The following COL5A1 variants were observed in gnomAD, a reference collection of about 807,000 sequenced individuals.
COL5A1 encodes collagen type V alpha 1 chain, also known as collagen alpha-1(V) chain.
A neutral mutation model predicts 263.7 loss-of-function variants in COL5A1; 16 were observed. The ratio of observed to expected loss-of-function variants is 0.06; its 90% CI spans 0.04 to 0.09. COL5A1 has a LOEUF of 0.09. Among genes scored for constraint, COL5A1 ranks in the 10% least tolerant of loss-of-function variants. The probability of loss-of-function intolerance (pLI) is 1.00; values close to 1 mark genes in which losing one functional copy is unlikely to be tolerated. For synonymous variants in COL5A1, 1,012 were observed against 1,004.5 expected (o/e 1.01, Z -0.14); for missense variants, 2,036 against 2,540.5 (o/e 0.80, Z 4.27).
intron 32 of COL5A1, among the ~76,000 whole-genome samples, chr9:134,792,878 CACACGTGTGTGT>C (rs1837763015): frequency 3.3e-5 from 1 of 30,136 alleles, no homozygotes; most frequent in Non-Finnish European, 7.8e-5. Flanking sequence ...CGCGTTTGTG[CACACGTGTGTGT>C]GCGCGCGTGT....
In COL5A1 at chr9:134,677,524, C is replaced by T. The variant is rs889262136; in HGVS notation, c.110-13388C>T. On this transcript the variant is annotated intron_variant, in intron 1 of 65. Transcript: ENST00000371817. This position sits in a 1 kb window ranked among gnomAD's most constrained non-coding sequence, Gnocchi z 4.4. ...AGGTTCGTGGAGCCAGGCTCTTGCC[C>T]CTGATGCTGAAATGATAGGAGGGTG... is the stretch of plus-strand genomic sequence containing the variant. Among the ~76,000 whole-genome samples the T allele has an allele frequency of 1.3e-5, 2 of 152,146 alleles. No individual in the cohort carries two copies. Among genetic ancestry groups the T allele is most frequent in the Non-Finnish European group, 2.9e-5 (2 of 68,034 alleles).
At chr9:134,780,450 G>A (rs530652943) in intron 28 of COL5A1, among the ~76,000 whole-genome samples, 36 of 152,300 alleles carry the variant, frequency 2.4e-4, no homozygotes, top group African/African-American at 8.2e-4. Flanking sequence ...GGCCCCCCAC[G>A]TGCCTGCAGG....
chr9:134,723,176 C>T lies in COL5A1; in HGVS notation c.655-4090C>T, dbSNP rs111804963. Among the ~76,000 whole-genome samples the T allele has an allele frequency of 1.9e-3, 284 of 152,312 alleles. 2 individuals are homozygous for T. Among genetic ancestry groups the T allele is most frequent in the African/African-American group, 6.6e-3 (276 of 41,560 alleles). On this transcript the variant is annotated intron_variant, in intron 4 of 65. Coordinates refer to ENST00000371817, the MANE Select transcript of COL5A1 (RefSeq NM_000093.5). ...CCCCAGCCCAGGGAACAGGTGCAAG[C>T]TCAGCTCCCGACGACCGCCAACCCT...
chr9:134,730,373 C>T lies in COL5A1; in HGVS notation c.1062C>T (p.Asp354=), dbSNP rs61737708. 1,799 of 1,614,240 alleles carry T rather than the reference C, an allele frequency of 1.1e-3. 31 individuals are homozygous for T. In the African/African-American group the frequency reaches 0.021, roughly 19 times the overall value. The change falls in exon 7 of 66, where the codon GAC becomes GAT. Residue 354 remains aspartate, a synonymous_variant. Transcript: ENST00000371817. ...EDYYTPSPYD[D]LTYGEGEENP... ...ACTACACGCCCTCACCGTATGATGA[C>T]CTCACCTATGGCGAGGGGGAGGAGA...
chr9:134,761,010 C>T (rs889738584), intron 18 of COL5A1, among the ~76,000 whole-genome samples: 2 of 148,498 alleles, frequency 1.3e-5, no homozygotes, highest in Non-Finnish European at 3.0e-5. Flanking sequence ...TGCACACCAG[C>T]CACACACGCA....
At position 134,823,758 on chromosome 9, in the gene COL5A1, C is replaced by T. The variant is rs115080537; in HGVS notation, c.4698+289C>T. 8.5e-3 allele frequency among the ~76,000 whole-genome samples: 1,293 copies of T among 152,164 alleles called. 20 individuals are homozygous for T. The highest frequency in any genetic ancestry group is 0.029 in the African/African-American group (1,207 of 41,504). On this transcript the variant is annotated intron_variant, in intron 61 of 65. Coordinates refer to ENST00000371817, the MANE Select transcript of COL5A1 (RefSeq NM_000093.5). ...TGAATGTGTGAACGTGTAGTATATG[C>T]GTGTATGTGACTGGGCACGTGTGTG...
chr9:134,815,823 G>T (rs1564478418), intron 51 of COL5A1, 112 bp from the exon 52 acceptor site: 1 of 1,373,420 alleles, frequency 7.3e-7, no homozygotes, highest in South Asian at 1.2e-5. Context: ...CTCTGTGCTG[G>T]CACCAGAATG....
chr9:134,699,807 C>G, intron 2 of COL5A1, 102 bp from the exon 3 acceptor site: 1 of 1,162,598 alleles, frequency 8.6e-7, no homozygotes, highest in Non-Finnish European at 1.3e-6. Flanking sequence ...ACGGGCAGCA[C>G]AGCTTCCCAG....
At chr9:134,734,982 A>C (rs562420508) in intron 9 of COL5A1, among the ~76,000 whole-genome samples, 53 of 152,216 alleles carry the variant, frequency 3.5e-4, no homozygotes, top group Non-Finnish European at 6.9e-4. Context: ...AGGCTGAGGC[A>C]GGCAGATCAC....
chr9:134,785,184 G>A, intron 30 of COL5A1, 88 bp downstream of exon 30: 2 of 1,057,220 alleles, frequency 1.9e-6, no homozygotes, highest in Admixed American at 1.8e-5. Flanking sequence ...GGCTGTGGCT[G>A]CCCTAGGCAT....
At chr9:134,825,633 C>CA (rs557816413) in intron 62 of COL5A1, among the ~76,000 whole-genome samples, 159 bp from the exon 63 acceptor site, 242 of 152,280 alleles carry the variant, frequency 1.6e-3, no homozygotes, top group African/African-American at 5.7e-3. Context: ...GCAGGAGAAG[C>CA]AAAATGCAAT....
rs10628678 is a variant in COL5A1, at chr9:134,843,171, T to TAGGG, written c.*870_*873dup. On this transcript the variant is annotated 3_prime_UTR_variant, in exon 66 of 66. Coordinates refer to ENST00000371817, the MANE Select transcript of COL5A1 (RefSeq NM_000093.5). The stretch of plus-strand genomic sequence containing the variant: ...CGCTCTAGACTTTTTTTTTTTTTAA[T>TAGGG]AGGGAAAAAATTTGATAATTTTCTT... 0.66 allele frequency: 99,427 copies of TAGGG among 149,870 alleles called. 33,320 individuals carry two copies. Among genetic ancestry groups the TAGGG allele is most frequent in the Middle Eastern group, 0.74 (215 of 290 alleles). The allele number at this position is 149,870 out of a possible 1,614,324, so 9.3% of individuals were successfully genotyped here.
intron 36 of COL5A1, 106 bp downstream of exon 36, chr9:134,797,007 C>A: frequency 8.3e-7 from 1 of 1,211,912 alleles, no homozygotes; most frequent in Non-Finnish European, 1.2e-6. Flanking sequence ...CGGAGCTCCT[C>A]ACAGTGGCCG....
At position 134,730,304 on chromosome 9, in the gene COL5A1, G is replaced by A. The variant is rs1834830929; in HGVS notation, c.993G>A (p.Glu331=). ...CCAGTGAAGGGGCTGGGAAGGAAGA[G>A]GACGTCGGCATCGGGGACTATGACT... is the stretch of plus-strand genomic sequence containing the variant. ...PETSEGAGKE[E]DVGIGDYDYV... is the part of the protein sequence containing the mutation. Residue 331 remains glutamate (E), a synonymous_variant, in exon 7 of 66, where the codon GAG becomes GAA. Coordinates refer to ENST00000371817, the MANE Select transcript of COL5A1 (RefSeq NM_000093.5). The A allele has an allele frequency of 6.2e-7, 1 of 1,614,242 alleles. No homozygotes were observed. The highest frequency in any genetic ancestry group is 1.1e-5 in the South Asian group (1 of 91,090).
intron 28 of COL5A1, among the ~76,000 whole-genome samples, chr9:134,781,883 T>G (rs80053780): frequency 0.019 from 2,850 of 152,254 alleles, 57 homozygotes; most frequent in Non-Finnish European, 0.027. Flanking sequence ...AGCCGGGCCT[T>G]GAATGTTTAC....
chr9:134,711,345 G>A (rs1008074382), intron 4 of COL5A1, among the ~76,000 whole-genome samples: 1 of 152,118 alleles, frequency 6.6e-6, no homozygotes, highest in Non-Finnish European at 1.5e-5. Context: ...CGCCTGGGGT[G>A]TGGGGCTGTG....
chr9:134,776,529 T>C (rs1407321063), intron 27 of COL5A1, among the ~76,000 whole-genome samples: 1 of 152,228 alleles, frequency 6.6e-6, no homozygotes, highest in Non-Finnish European at 1.5e-5. Flanking sequence ...CTCATACTCC[T>C]GTGCATTTGG....
intron 28 of COL5A1, among the ~76,000 whole-genome samples, chr9:134,782,105 C>T (rs186731627): frequency 1.3e-5 from 2 of 152,192 alleles, no homozygotes; most frequent in Non-Finnish European, 2.9e-5. Context: ...CACTGACGCG[C>T]GGCAGCCTCA....
At position 134,801,995 on chromosome 9, in the gene COL5A1, G is replaced by A; in HGVS notation, c.2994G>A (p.Val998=). The A allele has an allele frequency of 1.9e-6, 3 of 1,613,406 alleles. No individual in the cohort carries two copies. Among genetic ancestry groups the A allele is most frequent in the Non-Finnish European group, 2.5e-6 (3 of 1,180,020 alleles). Residue 998 remains valine, a synonymous_variant, in exon 38 of 66, where the codon GTG becomes GTA. Coordinates refer to ENST00000371817, the MANE Select transcript of COL5A1 (RefSeq NM_000093.5). The stretch of plus-strand genomic sequence containing the variant: ...CCGGCCCTCCAGGCCCCCCCGGCGT[G>A]GTCGGCCCTCAGGTAAGCTCCAGCC... The part of the protein sequence containing the change: ...GKTGPPGPPG[V]VGPQGPTGET...
Sources: allele counts gnomAD v4.1 joint callset (sites outside exome capture counted in the v4.1 genomes callset), GRCh38; gene constraint gnomAD v4.1.1; non-coding constraint Gnocchi (gnomAD v3.1); transcripts MANE v1.5; gene names NCBI Gene and HGNC (gene_info 2026-07-23, HGNC 2026-07-21).